The following AQP1 variants were observed in gnomAD, a reference collection of about 807,000 sequenced individuals.
AQP1 encodes the protein aquaporin 1 (Colton blood group), also known as aquaporin-1.
Under a neutral mutation model 19.7 loss-of-function variants are expected in AQP1, and 11 were observed. The observed-to-expected ratio is 0.56, with a 90% confidence interval of 0.35 to 0.92. The LOEUF is 0.92. Ranked by LOEUF, AQP1 falls within the 40% of genes least tolerant of loss-of-function variation. The probability of loss-of-function intolerance (pLI) is 0.01; values close to 1 mark genes in which losing one functional copy is unlikely to be tolerated. For synonymous variants in AQP1, 159 were observed against 166.7 expected, an observed-to-expected ratio of 0.95 and a Z score of 0.36; for missense variants, 320 against 369.7, an observed-to-expected ratio of 0.87 and a Z score of 1.10.
At chr7:30,921,982 G>C (rs954864790) in intron 1 of AQP1, 84 bp from the exon 2 acceptor site, 1 of 1,596,040 alleles carries the variant, frequency 6.3e-7, no homozygotes, top group African/African-American at 1.3e-5. Context: ...GCCTGGGCCT[G>C]GGAGGCCTGG....
intron 1 of AQP1, among the ~76,000 whole-genome samples, chr7:30,914,065 G>T (rs1050411951): frequency 6.6e-6 from 1 of 152,190 alleles, no homozygotes; most frequent in African/African-American, 2.4e-5. Flanking sequence ...TCACCCTCTA[G>T]TATGCGCATC....
intron 1 of AQP1, chr7:30,921,491 A>AGC: frequency 1.3e-6 from 2 of 1,484,290 alleles, no homozygotes; most frequent in Non-Finnish European, 1.8e-6. Context: ...AAGGAGAGAG[A>AGC]GAGGGTGGAG....
At position 30,923,758 on chromosome 7, in the gene AQP1, C is replaced by T. The variant is rs1161882398; in HGVS notation, c.*129C>T. On this transcript the variant is annotated 3_prime_UTR_variant, in exon 4 of 4. Transcript: ENST00000311813. This position sits in a 1 kb window ranked among gnomAD's most constrained non-coding sequence, Gnocchi z 4.8. ...AGTCACTTCCCCAAGATCTGCCAGA[C>T]CTGCATGGTCAAGCCTCTTATGGGG... 29 of 1,504,846 alleles carry T rather than the reference C, an allele frequency of 1.9e-5. No homozygotes were observed. The highest frequency in any genetic ancestry group is 4.1e-4 in the Middle Eastern group (2 of 4,926). The allele number at this position is 1,504,846 out of a possible 1,614,324, so 93.2% of individuals were successfully genotyped here. A position where few individuals can be genotyped will look rare whatever the true frequency, so the allele number is the denominator to read the frequency against.
Position 30,924,495 on chromosome 7 carries a change from G to A in AQP1, c.*866G>A, listed in dbSNP as rs994450381. On this transcript the variant is annotated 3_prime_UTR_variant, in exon 4 of 4. Coordinates refer to ENST00000311813, the MANE Select transcript of AQP1 (RefSeq NM_198098.4). ...ACAGGGCCTGCTATTGCAGAATGAA[G>A]CCATTTAGAGGGTGAAGGAGAAATA... The A allele has an allele frequency of 6.5e-6, 1 of 152,726 alleles. No homozygotes were observed. Among genetic ancestry groups the A allele is most frequent in the Non-Finnish European group, 1.5e-5 (1 of 68,424 alleles). The allele number at this position is 152,726 out of a possible 1,614,324, so 9.5% of individuals were successfully genotyped here.
At position 30,923,419 on chromosome 7, in the gene AQP1, A is replaced by T. The variant is rs1324180782; in HGVS notation, c.631-31A>T. 1.9e-6 allele frequency: 3 copies of T among 1,613,238 alleles called. No individual in the cohort carries two copies. The highest frequency in any genetic ancestry group is 2.5e-6 in the Non-Finnish European group (3 of 1,179,826). On this transcript the variant is annotated intron_variant, in intron 3 of 3. Transcript: ENST00000311813. This position sits in a 1 kb window ranked among gnomAD's most constrained non-coding sequence, Gnocchi z 4.8. ...ACGCTTCCCAGGGGCTTTTGAGTGG[A>T]GCCCTCTGAACACACCTGCTCTGTT... is the stretch of plus-strand genomic sequence containing the variant.
intron 1 of AQP1, among the ~76,000 whole-genome samples, chr7:30,915,176 C>G (rs1791280776): frequency 6.6e-6 from 1 of 152,084 alleles, no homozygotes; most frequent in African/African-American, 2.4e-5. Context: ...TTTCATTCTT[C>G]TGCTGTCTGG....
In AQP1 at chr7:30,923,598, T is replaced by C. The variant is rs754801843; in HGVS notation, c.779T>C (p.Ile260Thr). ...VEEYDLDADDINSRVEMKPK is the reference protein window; with the variant it reads ...VEEYDLDADDTNSRVEMKPK ...GAGTATGACCTGGATGCCGACGACA[T>C]CAACTCCAGGGTGGAGATGAAGCCC... Residue 260 changes from isoleucine (I) to threonine (T), a missense_variant, in exon 4 of 4, where the codon ATC (isoleucine) becomes ACC (threonine). Ile to Thr is a moderately conservative substitution (Grantham distance 89). Coordinates refer to ENST00000311813, the MANE Select transcript of AQP1 (RefSeq NM_198098.4). The surrounding 1 kb of genome is among the most constrained non-coding windows in gnomAD (Gnocchi z 4.8). 6.4e-7 allele frequency: 1 copy of C among 1,574,222 alleles called. No homozygotes were observed. The highest frequency in any genetic ancestry group is 1.1e-5 in the South Asian group (1 of 90,440).
At position 30,922,326 on chromosome 7, in the gene AQP1, G is replaced by T. The variant is rs558842915; in HGVS notation, c.549+96G>T. 139 of 1,489,646 alleles carry T rather than the reference G, an allele frequency of 9.3e-5. 1 individual carries two copies. The South Asian group carries it at 1.0e-3, about 11-fold the overall frequency. 92.3% of individuals were successfully genotyped at this position (1,489,646 alleles called of 1,614,324 possible). A position where few individuals can be genotyped will look rare whatever the true frequency, so the allele number is the denominator to read the frequency against. On this transcript the variant is annotated intron_variant, in intron 2 of 3. Coordinates refer to ENST00000311813, the MANE Select transcript of AQP1 (RefSeq NM_198098.4). Reference sequence around the variant, plus strand: ...GGCAGCCAGTGGGACTCCCGACAGGGCTCTTGCCATTGGGTGGAGGATGGC... The same window carrying T: ...GGCAGCCAGTGGGACTCCCGACAGGTCTCTTGCCATTGGGTGGAGGATGGC...
intron 1 of AQP1, among the ~76,000 whole-genome samples, chr7:30,918,271 C>G (rs552949787): frequency 4.6e-5 from 7 of 152,194 alleles, no homozygotes; most frequent in African/African-American, 1.7e-4. Flanking sequence ...GGATTACAGG[C>G]GTGAGCCACC....
Position 30,924,182 on chromosome 7 carries a change from T to C in AQP1, c.*553T>C. ...CCCGCTCGGACTTACTGCCTGACCTTGGAATCGTCCCTATATCAGGGCCTG... is the reference window on the plus strand; with the variant it reads ...CCCGCTCGGACTTACTGCCTGACCTCGGAATCGTCCCTATATCAGGGCCTG... On this transcript the variant is annotated 3_prime_UTR_variant, in exon 4 of 4. Transcript: ENST00000311813. 1.8e-6 allele frequency: 2 copies of C among 1,120,506 alleles called. No individual in the cohort carries two copies. Among genetic ancestry groups the C allele is most frequent in the South Asian group, 4.0e-5 (2 of 50,522 alleles). 69.4% of individuals were successfully genotyped at this position (1,120,506 alleles called of 1,614,324 possible). A position where few individuals can be genotyped will look rare whatever the true frequency, so the allele number is the denominator to read the frequency against.
rs755480059 is a variant in AQP1 at position 30,922,590 on chromosome 7, C to A, written c.576C>A (p.Asn192Lys). The A allele has an allele frequency of 3.1e-6, 5 of 1,614,048 alleles. No homozygotes were observed. Residue 192 changes from asparagine (N) to lysine (K), a missense_variant, in exon 3 of 4, where the codon AAC becomes AAA. Transcript: ENST00000311813. ...TTGACTACACTGGCTGTGGGATTAA[C>A]CCTGCTCGGTCCTTTGGCTCCGCGG... is the stretch of plus-strand genomic sequence containing the variant. Reference protein sequence around the residue: ...LAIDYTGCGINPARSFGSAVI... With the variant: ...LAIDYTGCGIKPARSFGSAVI...
rs371391537 is a variant in AQP1, at chr7:30,922,616, T to C, written c.602T>C (p.Val201Ala). The C allele has an allele frequency of 8.1e-6, 13 of 1,614,186 alleles. No individual in the cohort carries two copies. The African/African-American group carries it at 1.1e-4, about 13-fold the overall frequency. Reference protein sequence around the residue: ...INPARSFGSAVITHNFSNHWI... With the variant: ...INPARSFGSAAITHNFSNHWI... ...CCTGCTCGGTCCTTTGGCTCCGCGG[T>C]GATCACACACAACTTCAGCAACCAC... Residue 201 changes from valine to alanine, a missense_variant, in exon 3 of 4, where the codon GTG (valine) becomes GCG (alanine). Physicochemically the swap from Val to Ala is moderately conservative, Grantham distance 64. Coordinates refer to ENST00000311813, the MANE Select transcript of AQP1 (RefSeq NM_198098.4).
rs1791608117 is a variant in AQP1 at position 30,923,983 on chromosome 7, G to A, written c.*354G>A. ...CCCAAAGTTGCTCACCGACTCACCT[G>A]CGCAAGTGCCTGGGATTCTACCGTA... On this transcript the variant is annotated 3_prime_UTR_variant, in exon 4 of 4. Coordinates refer to ENST00000311813, the MANE Select transcript of AQP1 (RefSeq NM_198098.4). This position sits in a 1 kb window ranked among gnomAD's most constrained non-coding sequence, Gnocchi z 4.8. 7.2e-7 allele frequency: 1 copy of A among 1,383,716 alleles called. No homozygotes were observed. The highest frequency in any genetic ancestry group is 9.6e-7 in the Non-Finnish European group (1 of 1,043,836). The allele number at this position is 1,383,716 out of a possible 1,614,324, so 85.7% of individuals were successfully genotyped here.
At chr7:30,919,065 C>T (rs1018591403) in intron 1 of AQP1, among the ~76,000 whole-genome samples, 15 of 152,236 alleles carry the variant, frequency 9.9e-5, no homozygotes, top group Middle Eastern at 3.4e-3. Context: ...GCCCTGGGTC[C>T]GGAGAGCATC....
rs1431630325 is a variant in AQP1, at chr7:30,912,753, TC to T, written c.384+463del. Among the ~76,000 whole-genome samples, 1 of 152,200 alleles carries T rather than the reference TC, an allele frequency of 6.6e-6. No homozygotes were observed. The highest frequency in any genetic ancestry group is 1.5e-5 in the Non-Finnish European group (1 of 68,040). On this transcript the variant is annotated intron_variant, in intron 1 of 3. Transcript: ENST00000311813. The surrounding 1 kb of genome is among the most constrained non-coding windows in gnomAD (Gnocchi z 4.3). The stretch of plus-strand genomic sequence containing the variant: ...GGCTCTGCAAGTGTGTGAGCAGGAC[TC>T]CCTCAGGGAGCCCCCCATATTCACA...
chr7:30,922,371 G>A (rs1346430823), intron 2 of AQP1, 141 bp downstream of exon 2: 2 of 1,396,244 alleles, frequency 1.4e-6, no homozygotes, highest in Non-Finnish European at 2.0e-6. Flanking sequence ...CTGGGGGCTG[G>A]GGGCAGGGTC....
intron 1 of AQP1, among the ~76,000 whole-genome samples, chr7:30,920,052 T>A (rs928963837): frequency 2.6e-5 from 4 of 152,192 alleles, no homozygotes; most frequent in Non-Finnish European, 5.9e-5. Flanking sequence ...CTGCCCACTT[T>A]GCATGAAAAG....
In AQP1 at chr7:30,912,152, G is replaced by A; in HGVS notation, c.243G>A (p.Leu81=). The A allele has an allele frequency of 6.2e-7, 1 of 1,613,014 alleles. No homozygotes were observed. Among genetic ancestry groups the A allele is most frequent in the Non-Finnish European group, 8.5e-7 (1 of 1,180,036 alleles). Residue 81 remains leucine (L), a synonymous_variant, in exon 1 of 4, where the codon CTG becomes CTA. Transcript: ENST00000311813. This position sits in a 1 kb window ranked among gnomAD's most constrained non-coding sequence, Gnocchi z 4.3. The part of the protein sequence containing the change: ...SGAHLNPAVT[L]GLLLSCQISI... Reference sequence around the variant, plus strand: ...CCCACCTCAACCCGGCTGTCACACTGGGGCTGCTGCTCAGCTGCCAGATCA... The same window carrying A: ...CCCACCTCAACCCGGCTGTCACACTAGGGCTGCTGCTCAGCTGCCAGATCA...
intron 1 of AQP1, among the ~76,000 whole-genome samples, chr7:30,914,722 C>T (rs1476228168): frequency 1.3e-5 from 2 of 150,754 alleles, no homozygotes; most frequent in African/African-American, 4.8e-5. Context: ...TGGCCCTGAG[C>T]CCCAGCCCAG....
Sources: gnomAD v4.1 joint callset for allele counts (sites outside exome capture counted in the v4.1 genomes callset) on GRCh38, gnomAD v4.1.1 for gene constraint, Gnocchi (gnomAD v3.1) non-coding constraint, MANE v1.5 for transcripts, NCBI Gene and HGNC (gene_info 2026-07-23, HGNC 2026-07-21) for gene names.